MYSM1: variants seen among roughly 807,000 people sequenced by gnomAD.
The protein encoded by MYSM1 is deubiquitinase MYSM1.
MYSM1 carries 51 observed loss-of-function variants against 116.0 expected under a neutral mutation model. The observed-to-expected ratio is 0.44, with a 90% CI of 0.35 to 0.56. The LOEUF is 0.56. Among genes scored for constraint, MYSM1 ranks in the 20% least tolerant of loss-of-function variants. The probability of loss-of-function intolerance (pLI) is 0.00; values close to 1 mark genes in which losing one functional copy is unlikely to be tolerated. For synonymous variants in MYSM1, 313 were observed against 315.2 expected (o/e 0.99, Z 0.07); for missense variants, 900 against 974.9 (o/e 0.92, Z 1.02).
rs769356589 is a variant in MYSM1, at chr1:58,661,432, T to A, written c.2244A>T (p.Ile748=). The A allele has an allele frequency of 1.3e-6, 2 of 1,598,844 alleles. No individual in the cohort carries two copies. The highest frequency in any genetic ancestry group is 1.3e-5 in the African/African-American group (1 of 74,604). ...TATGGGAGAGCCTGTATTTTTCTAT[T>A]ATCCATCTTGTCTTTTCAAATACTA... is the stretch of plus-strand genomic sequence containing the variant. The part of the protein sequence containing the change: ...WGLVFEKTRW[I]IEKYRLSHSS... Residue 748 remains isoleucine (I), a synonymous_variant, in exon 18 of 20, where the codon ATA becomes ATT. Coordinates refer to ENST00000472487, the MANE Select transcript of MYSM1 (RefSeq NM_001085487.3).
At chr1:58,681,675 G>A in intron 8 of MYSM1, 110 bp downstream of exon 8, 1 of 1,064,770 alleles carries the variant, frequency 9.4e-7, no homozygotes, top group South Asian at 1.9e-5. Flanking sequence ...CTTCCCTACT[G>A]TAGTGATCTC....
intron 9 of MYSM1, among the ~76,000 whole-genome samples, chr1:58,675,985 A>G (rs747671086): frequency 6.6e-6 from 1 of 152,194 alleles, no homozygotes; most frequent in Non-Finnish European, 1.5e-5. Context: ...AAAGAAAATC[A>G]TATCTGACAG....
At chr1:58,678,853 A>G (rs1380490830) in intron 8 of MYSM1, among the ~76,000 whole-genome samples, 1 of 152,214 alleles carries the variant, frequency 6.6e-6, no homozygotes, top group Non-Finnish European at 1.5e-5. Flanking sequence ...GGTCAAGGCC[A>G]TGAGTTGGAA....
rs2100679109 is a variant in MYSM1 at position 58,692,943 on chromosome 1, G to C, written c.148-12C>G. 2 of 1,579,776 alleles carry C rather than the reference G, an allele frequency of 1.3e-6. No individual in the cohort carries two copies. The highest frequency in any genetic ancestry group is 1.4e-5 in the African/African-American group (1 of 73,106). On this transcript the variant is annotated splice_polypyrimidine_tract_variant and intron_variant, in intron 2 of 19. Coordinates refer to ENST00000472487, the MANE Select transcript of MYSM1 (RefSeq NM_001085487.3). ...TCCAAGGTCCAAGGCTATTAAAAAA[G>C]AGAATATATTTGTCTTTTTATTTAT...
In MYSM1 at chr1:58,660,144, A is replaced by G. The variant is rs1242232532; in HGVS notation, c.2340T>C (p.Cys780=). ...TCACTTTGCTCAGAGTCTTCCTCAT[A>G]CACTCCAAAAGCTAGTTGAAAAGAA... ...DLTCLQKLLE[C]MRKTLSKVTN... The change falls in exon 20 of 20, where the codon TGT becomes TGC. Residue 780 remains cysteine (C), a synonymous_variant. Transcript: ENST00000472487. 2 of 1,584,272 alleles carry G rather than the reference A, an allele frequency of 1.3e-6. No individual in the cohort carries two copies. The highest frequency in any genetic ancestry group is 1.7e-6 in the Non-Finnish European group (2 of 1,168,266).
chr1:58,682,251 A>C lies in MYSM1; in HGVS notation c.793T>G (p.Ser265Ala). 6.2e-7 allele frequency: 1 copy of C among 1,612,550 alleles called. No homozygotes were observed. The highest frequency in any genetic ancestry group is 1.1e-5 in the South Asian group (1 of 91,048). Residue 265 changes from serine to alanine, a missense_variant, in exon 8 of 20, where the codon TCT becomes GCT. By Grantham distance (99) the Ser-to-Ala change is moderately conservative. Transcript: ENST00000472487. ...HETNQGEFIT[S>A]DSQEALFSKS... Reference sequence around the variant, plus strand: ...GAAAAGAGAGCTTCCTGGCTGTCAGAAGTAATGAATTCTCCTTGATTGGTT... The same window carrying C: ...GAAAAGAGAGCTTCCTGGCTGTCAGCAGTAATGAATTCTCCTTGATTGGTT...
At chr1:58,665,749 A>G in intron 16 of MYSM1, 118 bp from the exon 17 acceptor site, 1 of 721,622 alleles carries the variant, frequency 1.4e-6, no homozygotes, top group Non-Finnish European at 2.2e-6. Flanking sequence ...AGGTGCATTA[A>G]AAAGTTCACA....
chr1:58,685,978 G>A (rs1386131799), intron 6 of MYSM1, among the ~76,000 whole-genome samples: 1 of 152,142 alleles, frequency 6.6e-6, no homozygotes, highest in Admixed American at 6.5e-5. Context: ...CCCAGGCTGA[G>A]TACAGTGGTG....
chr1:58,671,983 A>C (rs1274306836), intron 11 of MYSM1, 25 bp from the exon 12 acceptor site: 5 of 1,578,588 alleles, frequency 3.2e-6, no homozygotes, highest in South Asian at 2.2e-5. Context: ...CAATTGATTA[A>C]GGAGTCCATC....
chr1:58,682,600 A>G (rs976663182), intron 7 of MYSM1, 55 bp from the exon 8 acceptor site: 7 of 1,424,108 alleles, frequency 4.9e-6, no homozygotes, highest in Non-Finnish European at 6.5e-6. Flanking sequence ...AAATTTAATC[A>G]CTGGTACACA....
intron 1 of MYSM1, among the ~76,000 whole-genome samples, chr1:58,696,017 C>T (rs1446141406): frequency 1.3e-5 from 2 of 152,188 alleles, no homozygotes; most frequent in African/African-American, 4.8e-5. Flanking sequence ...AAAAACCTTT[C>T]AACAGGCTTA....
In MYSM1 at chr1:58,700,032, A is replaced by G. The variant is rs1645040228; in HGVS notation, c.21T>C (p.Asp7=). The part of the protein sequence containing the change: MAAEEA[D]VDIEGDVVAA... ...CTACCACGTCCCCTTCGATATCCAC[A>G]TCCGCCTCTTCAGCCGCCATGATGG... Residue 7 remains aspartate, a synonymous_variant, in exon 1 of 20, where the codon GAT becomes GAC. Transcript: ENST00000472487. 4 of 1,613,352 alleles carry G rather than the reference A, an allele frequency of 2.5e-6. No homozygotes were observed. In the African/African-American group the frequency reaches 4.0e-5, roughly 16 times the overall value.
rs561678331 is a variant in MYSM1, at chr1:58,666,361, T to C, written c.2031+677A>G. Among the ~76,000 whole-genome samples, 32 of 152,320 alleles carry C rather than the reference T, an allele frequency of 2.1e-4. No individual in the cohort carries two copies. In the South Asian group the frequency reaches 6.6e-3, roughly 32 times the overall value. ...TTCTTCAGCTATAAAAAATACATTA[T>C]GTTTCTTATTACTTCAGTTGTATCT... On this transcript the variant is annotated intron_variant, in intron 16 of 19. Transcript: ENST00000472487.
intron 7 of MYSM1, among the ~76,000 whole-genome samples, chr1:58,683,795 A>G (rs1644783661): frequency 6.6e-6 from 1 of 152,102 alleles, no homozygotes; most frequent in South Asian, 2.1e-4. Context: ...ATTTGGACAT[A>G]TTGCCTGAAA....
At position 58,676,972 on chromosome 1, in the gene MYSM1, C is replaced by T. The variant is rs1255263117; in HGVS notation, c.1344G>A (p.Arg448=). Residue 448 remains arginine (R), a synonymous_variant, in exon 9 of 20, where the codon CGG becomes CGA. Coordinates refer to ENST00000472487, the MANE Select transcript of MYSM1 (RefSeq NM_001085487.3). ...KNCGDVNCIG[R]IHTYLELIGA... is the part of the protein sequence containing the mutation. ...CTATCAATTCGAGGTATGTATGAAT[C>T]CGTCCAATACAATTAACATCTCCAC... is the stretch of plus-strand genomic sequence containing the variant. 1 of 1,612,070 alleles carries T rather than the reference C, an allele frequency of 6.2e-7. No homozygotes were observed. The highest frequency in any genetic ancestry group is 1.7e-5 in the Admixed American group (1 of 59,780).
intron 1 of MYSM1, among the ~76,000 whole-genome samples, chr1:58,698,123 CAG>C (rs1645010064): frequency 6.9e-5 from 1 of 14,568 alleles, no homozygotes; most frequent in African/African-American, 3.4e-4. Flanking sequence ...TTTTTTGAGA[CAG>C]AGTCTCGCTC....
chr1:58,677,533 A>G (rs1644673140), intron 8 of MYSM1, among the ~76,000 whole-genome samples: 1 of 152,180 alleles, frequency 6.6e-6, no homozygotes, highest in Non-Finnish European at 1.5e-5. Flanking sequence ...GTTTTTAATT[A>G]TGATGACAAC....
chr1:58,673,454 G>T, intron 11 of MYSM1, 119 bp downstream of exon 11: 1 of 822,326 alleles, frequency 1.2e-6, no homozygotes, highest in Non-Finnish European at 1.9e-6. Flanking sequence ...AATTAACATG[G>T]GAATGAACAC....
chr1:58,660,488 C>A (rs933376904), intron 19 of MYSM1, among the ~76,000 whole-genome samples: 1 of 152,004 alleles, frequency 6.6e-6, no homozygotes, highest in Admixed American at 6.6e-5. Context: ...CCTGAGTATA[C>A]ACACACACAA....
Sources: allele counts gnomAD v4.1 joint callset (sites outside exome capture counted in the v4.1 genomes callset), GRCh38; gene constraint gnomAD v4.1.1; transcripts MANE v1.5; gene names NCBI Gene and HGNC (gene_info 2026-07-23, HGNC 2026-07-21).